Variants in FBLN2 observed in about 807,000 individuals in gnomAD.
FBLN2 encodes the protein fibulin-2.
In FBLN2, 81 loss-of-function variants were observed where a neutral mutation model predicts 123.7. The observed-to-expected ratio is 0.65, with a 90% confidence interval of 0.55 to 0.79. The LOEUF (loss-of-function observed/expected upper bound fraction) is 0.79. FBLN2 is among the 30% of genes least tolerant of loss of function. The probability of loss-of-function intolerance (pLI) is 0.00; values close to 1 mark genes in which losing one functional copy is unlikely to be tolerated. For missense variants in FBLN2, 1,603 were observed against 1,681.3 expected, an observed-to-expected ratio of 0.95 and a Z score of 0.81; for synonymous variants, 699 against 701.4, an observed-to-expected ratio of 1.00 and a Z score of 0.05.
chr3:13,618,316 A>G (rs761891006), intron 6 of FBLN2, 31 bp downstream of exon 6: 3 of 1,608,278 alleles, frequency 1.9e-6, no homozygotes, highest in South Asian at 1.1e-5. Flanking sequence ...GGCAGGGGCT[A>G]TGGGAAGGGC....
At chr3:13,568,719 AC>A (rs1703824567) in intron 1 of FBLN2, 1 of 970,702 alleles carries the variant, frequency 1.0e-6, no homozygotes, top group Non-Finnish European at 1.2e-6. Flanking sequence ...TGACACTGCC[AC>A]GTCCTCCTTC....
At chr3:13,627,575 G>T (rs1706091227) in intron 10 of FBLN2, among the ~76,000 whole-genome samples, 1 of 152,194 alleles carries the variant, frequency 6.6e-6, no homozygotes, top group Non-Finnish European at 1.5e-5. Flanking sequence ...CGGCTGTGTG[G>T]GGTTTAAGGA....
At chr3:13,635,281 C>T (rs1706418113) in intron 16 of FBLN2, among the ~76,000 whole-genome samples, 1 of 151,914 alleles carries the variant, frequency 6.6e-6, no homozygotes, top group African/African-American at 2.4e-5. Context: ...CTGGAGGCCT[C>T]CTGAGGCGGC....
intron 2 of FBLN2, among the ~76,000 whole-genome samples, chr3:13,601,006 A>G (rs1020397971): frequency 6.6e-6 from 1 of 152,144 alleles, no homozygotes; most frequent in African/African-American, 2.4e-5. Context: ...GGTGTCCATC[A>G]CCTGACTACC....
intron 1 of FBLN2, among the ~76,000 whole-genome samples, chr3:13,550,587 G>A (rs915077685): frequency 6.6e-6 from 1 of 152,260 alleles, no homozygotes; most frequent in Non-Finnish European, 1.5e-5. Context: ...GGTGGCAGCT[G>A]AGAAGTGTTC....
intron 1 of FBLN2, among the ~76,000 whole-genome samples, chr3:13,555,099 C>T (rs527273772): frequency 1.4e-4 from 22 of 151,886 alleles, no homozygotes; most frequent in Non-Finnish European, 2.4e-4. Context: ...ACTACAGGTG[C>T]GTGCCACCAC....
At chr3:13,558,772 TCCATCCACCCATCCACCCACCCACCCAC>T (rs1368828795) in intron 1 of FBLN2, among the ~76,000 whole-genome samples, 18 of 6,836 alleles carry the variant, frequency 2.6e-3, no homozygotes, top group Non-Finnish European at 5.6e-3. Context: ...CATCCATCCA[TCCATCCACCCATCCACCCACCCACCCAC>T]CCACCCACCC....
At chr3:13,637,238 G>A (rs1706507143) in intron 17 of FBLN2, among the ~76,000 whole-genome samples, 1 of 152,172 alleles carries the variant, frequency 6.6e-6, no homozygotes, top group Admixed American at 6.5e-5. Context: ...AAGGGGAGAG[G>A]GAAAAGGAAG....
chr3:13,597,765 C>T (rs897177841), intron 2 of FBLN2, among the ~76,000 whole-genome samples: 5 of 152,224 alleles, frequency 3.3e-5, no homozygotes, highest in Non-Finnish European at 7.3e-5. Flanking sequence ...TGCCACTTGG[C>T]GTGGGAACAG....
At chr3:13,578,839 G>A (rs1166028371) in intron 2 of FBLN2, among the ~76,000 whole-genome samples, 12 of 152,168 alleles carry the variant, frequency 7.9e-5, no homozygotes, top group Admixed American at 7.2e-4. Flanking sequence ...CAGATCTCCT[G>A]AGGTCGGGAG....
At chr3:13,627,749 G>A in intron 10 of FBLN2, 83 bp from the exon 11 acceptor site, 1 of 1,470,934 alleles carries the variant, frequency 6.8e-7, no homozygotes, top group Non-Finnish European at 9.1e-7. Context: ...ATGGGTCTGA[G>A]GGCGGGGATG....
chr3:13,578,512 T>C (rs1704219322), intron 2 of FBLN2, among the ~76,000 whole-genome samples: 1 of 152,236 alleles, frequency 6.6e-6, no homozygotes, highest in Non-Finnish European at 1.5e-5. Context: ...GTCCATTTCA[T>C]GTGGTAGCAT....
Position 13,570,322 on chromosome 3 carries a change from C to A in FBLN2, c.-34C>A. 1 of 1,489,854 alleles carries A rather than the reference C, an allele frequency of 6.7e-7. No homozygotes were observed. The highest frequency in any genetic ancestry group is 9.0e-7 in the Non-Finnish European group (1 of 1,115,926). 92.3% of individuals were successfully genotyped at this position (1,489,854 alleles called of 1,614,324 possible). ...CCTTTCTGATTCCCCCAGGGTCTTA[C>A]AGGAGAGGGGACCGTCCTGGGCTGG... On this transcript the variant is annotated 5_prime_UTR_variant, in exon 2 of 18. Coordinates refer to ENST00000404922, the MANE Select transcript of FBLN2 (RefSeq NM_001004019.2).
intron 15 of FBLN2, among the ~76,000 whole-genome samples, chr3:13,631,042 CA>C (rs1706237706): frequency 6.6e-6 from 1 of 152,196 alleles, no homozygotes; most frequent in Admixed American, 6.5e-5. Context: ...GTCCTGACTT[CA>C]GGGGGATGAA....
chr3:13,593,858 G>A (rs184465056), intron 2 of FBLN2, among the ~76,000 whole-genome samples: 58 of 152,206 alleles, frequency 3.8e-4, no homozygotes, highest in Admixed American at 1.9e-3. Flanking sequence ...CAGCGTGGGC[G>A]GCTGTAACCA....
At chr3:13,574,978 A>C (rs576739531) in intron 2 of FBLN2, among the ~76,000 whole-genome samples, 44 of 152,230 alleles carry the variant, frequency 2.9e-4, no homozygotes, top group African/African-American at 1.0e-3. Flanking sequence ...ACTCTAAACG[A>C]GGGCGAGGTT....
At chr3:13,567,295 C>T (rs1703777530) in intron 1 of FBLN2, among the ~76,000 whole-genome samples, 1 of 152,194 alleles carries the variant, frequency 6.6e-6, no homozygotes, top group Admixed American at 6.5e-5. Context: ...ACACAACGTT[C>T]ATGCCTAGGT....
At position 13,619,772 on chromosome 3, in the gene FBLN2, C is replaced by G. The variant is rs767524343; in HGVS notation, c.2096C>G (p.Ser699Ter). 6.2e-7 allele frequency: 1 copy of G among 1,613,248 alleles called. No individual in the cohort carries two copies. The highest frequency in any genetic ancestry group is 1.7e-5 in the Admixed American group (1 of 59,934). The change falls in exon 8 of 18, where the codon TCA becomes TGA. Residue 699 changes from serine (S) to a stop codon, truncating the protein, a stop_gained. Coordinates refer to ENST00000404922, the MANE Select transcript of FBLN2 (RefSeq NM_001004019.2). LOFTEE classifies it high-confidence loss of function. ...CKQVCSTVGG[S>*]AICSCFPGYA... ...CAGGTGTGCAGCACTGTTGGGGGCT[C>G]AGCCATATGCTCCTGTTTTCCCGGC...
intron 2 of FBLN2, 56 bp downstream of exon 2, chr3:13,571,717 G>T: frequency 6.8e-7 from 1 of 1,467,916 alleles, no homozygotes; most frequent in Non-Finnish European, 9.1e-7. Flanking sequence ...GCAGCCTTGG[G>T]CTCTGGCCGC....
Sources: gnomAD v4.1 joint callset for allele counts (sites outside exome capture counted in the v4.1 genomes callset) on GRCh38, gnomAD v4.1.1 for gene constraint, MANE v1.5 for transcripts, NCBI Gene and HGNC (gene_info 2026-07-23, HGNC 2026-07-21) for gene names.